The following GRIK2 variants were observed in gnomAD, a reference collection of about 807,000 sequenced individuals.
GRIK2 encodes the protein glutamate receptor ionotropic, kainate 2.
Under a neutral mutation model 100.3 loss-of-function variants are expected in GRIK2, and 32 were observed. That is an observed-to-expected ratio of 0.32 (90% CI 0.24 to 0.43). The LOEUF is 0.43. Ranked by LOEUF, GRIK2 falls within the 20% of genes least tolerant of loss-of-function variation. The probability of loss-of-function intolerance (pLI) is 1.00; values close to 1 mark genes in which losing one functional copy is unlikely to be tolerated. For synonymous variants in GRIK2, 417 were observed against 389.4 expected, an observed-to-expected ratio of 1.07 and a Z score of -0.83; for missense variants, 843 against 1,114.9, an observed-to-expected ratio of 0.76 and a Z score of 3.47.
intron 16 of GRIK2, among the ~76,000 whole-genome samples, chr6:102,060,689 C>T (rs1030716306): frequency 2.3e-4 from 35 of 150,462 alleles, no homozygotes; most frequent in African/African-American, 8.2e-4. Flanking sequence ...TTTTTAGAAA[C>T]TATAAGATAT....
intron 2 of GRIK2, among the ~76,000 whole-genome samples, chr6:101,482,151 C>T (rs1195501777): frequency 6.6e-6 from 1 of 152,176 alleles, no homozygotes; most frequent in Non-Finnish European, 1.5e-5. Context: ...GGTTATTATA[C>T]ACACTAGTGA....
intron 16 of GRIK2, among the ~76,000 whole-genome samples, chr6:102,063,303 G>A (rs1401136498): frequency 6.6e-6 from 1 of 150,408 alleles, no homozygotes; most frequent in East Asian, 1.9e-4. Context: ...TTAGGCCAGC[G>A]AGATACACAA....
In GRIK2 at chr6:101,846,973, AT is replaced by A. The variant is rs796104175; in HGVS notation, c.1318-12304del. ...AATTTTGGTTCCATTGCTTCTCTCT[AT>A]TTTTTTTTTCTGTTCTCTCTTTTAT... On this transcript the variant is annotated intron_variant, in intron 10 of 16. Coordinates refer to ENST00000369134, the MANE Select transcript of GRIK2 (RefSeq NM_021956.5). Among the ~76,000 whole-genome samples the A allele has an allele frequency of 3.9e-3, 553 of 141,262 alleles. 4 individuals carry two copies. The highest frequency in any genetic ancestry group is 0.013 in the African/African-American group (516 of 38,396). The allele number at this position is 141,262 out of a possible 152,430, so 92.7% of individuals were successfully genotyped here.
intron 7 of GRIK2, among the ~76,000 whole-genome samples, chr6:101,746,053 CTT>C (rs1047040983): frequency 6.6e-6 from 1 of 152,180 alleles, no homozygotes; most frequent in African/African-American, 2.4e-5. Flanking sequence ...CCCAAAGTAA[CTT>C]TACTGCTTTC....
chr6:101,473,045 T>C (rs1163234756), intron 2 of GRIK2, among the ~76,000 whole-genome samples: 2 of 151,522 alleles, frequency 1.3e-5, no homozygotes, highest in Non-Finnish European at 3.0e-5. Flanking sequence ...ATAATATATA[T>C]ATTATTACAC....
Position 101,491,289 on chromosome 6 carries a change from C to A in GRIK2, c.115+91897C>A, listed in dbSNP as rs562846942. Among the ~76,000 whole-genome samples, 897 of 129,162 alleles carry A rather than the reference C, an allele frequency of 6.9e-3. 8 individuals carry two copies. Among genetic ancestry groups the A allele is most frequent in the African/African-American group, 0.025 (860 of 34,068 alleles). The allele number at this position is 129,162 out of a possible 152,430, so 84.7% of individuals were successfully genotyped here. On this transcript the variant is annotated intron_variant, in intron 2 of 16. Transcript: ENST00000369134. Reference sequence around the variant, plus strand: ...GAGAAAAAAAGAAAAAAAAAAAAAACCCAACCAAACAAACAAAAGAAACCT... The same window carrying A: ...GAGAAAAAAAGAAAAAAAAAAAAAAACCAACCAAACAAACAAAAGAAACCT...
At chr6:101,931,462 C>T (rs73761487) in intron 14 of GRIK2, among the ~76,000 whole-genome samples, 3,090 of 152,182 alleles carry the variant, frequency 0.02, 100 homozygotes, top group African/African-American at 0.07. Flanking sequence ...AAAAACGATA[C>T]AGTTTTGTTA....
In GRIK2 at chr6:101,814,444, A is replaced by T. The variant is rs1781513046; in HGVS notation, c.1204-3926A>T. 2.0e-5 allele frequency among the ~76,000 whole-genome samples: 3 copies of T among 152,126 alleles called. No homozygotes were observed. The South Asian group carries it at 6.2e-4, about 31-fold the overall frequency. ...TTACGTAAAACAAAGTAATTGAAAT[A>T]AAAACAGTTATTTTTATCAATAACA... On this transcript the variant is annotated intron_variant, in intron 9 of 16. Transcript: ENST00000369134.
At chr6:101,662,658 T>A (rs925249830) in intron 4 of GRIK2, among the ~76,000 whole-genome samples, 4 of 152,040 alleles carry the variant, frequency 2.6e-5, no homozygotes, top group African/African-American at 9.7e-5. Flanking sequence ...GTTTTCTATA[T>A]GCTATTTTCT....
chr6:101,842,350 A>T (rs997113041), intron 10 of GRIK2, among the ~76,000 whole-genome samples: 1 of 152,074 alleles, frequency 6.6e-6, no homozygotes, highest in African/African-American at 2.4e-5. Context: ...CATTCTACTC[A>T]TACCTTTTTC....
chr6:101,576,877 A>T (rs1777814515), intron 2 of GRIK2, among the ~76,000 whole-genome samples: 1 of 149,268 alleles, frequency 6.7e-6, no homozygotes, highest in African/African-American at 2.6e-5. Flanking sequence ...CACAAACAAG[A>T]TCCATTTCAG....
At chr6:101,991,890 G>A (rs1794395753) in intron 14 of GRIK2, among the ~76,000 whole-genome samples, 1 of 151,400 alleles carries the variant, frequency 6.6e-6, no homozygotes, top group Admixed American at 6.6e-5. Context: ...GTTATATCAT[G>A]TATGACAGAG....
chr6:101,911,440 A>G (rs975677053), intron 12 of GRIK2, among the ~76,000 whole-genome samples: 3 of 151,476 alleles, frequency 2.0e-5, no homozygotes, highest in Non-Finnish European at 4.4e-5. Flanking sequence ...ACTCTTGTAA[A>G]TGTATTTGGG....
intron 11 of GRIK2, among the ~76,000 whole-genome samples, chr6:101,879,483 G>T (rs1164050068): frequency 1.3e-5 from 2 of 151,770 alleles, no homozygotes; most frequent in Admixed American, 6.6e-5. Flanking sequence ...AGTTTTATTT[G>T]AATTCAGTGT....
chr6:101,917,131 T>C (rs2791788), intron 12 of GRIK2, among the ~76,000 whole-genome samples: 142,165 of 151,710 alleles, frequency 0.94, 66,650 homozygotes, highest in Middle Eastern at 0.97. Flanking sequence ...AACTGGCCCT[T>C]CTCAGGCCAT....
At chr6:101,832,049 T>C (rs1782733345) in intron 10 of GRIK2, among the ~76,000 whole-genome samples, 1 of 152,114 alleles carries the variant, frequency 6.6e-6, no homozygotes, top group Non-Finnish European at 1.5e-5. Flanking sequence ...ATGTTAATGA[T>C]ACTAGATTCC....
intron 11 of GRIK2, among the ~76,000 whole-genome samples, chr6:101,866,906 GTGTGTGTGTGTGAA>G (rs1257960337): frequency 5.3e-5 from 8 of 151,622 alleles, no homozygotes; most frequent in East Asian, 1.9e-4. Flanking sequence ...TTCATTGTGT[GTGTGTGTGTGTGAA>G]TGTGTGTGTG....
At chr6:101,725,947 G>A (rs1774833235) in intron 7 of GRIK2, among the ~76,000 whole-genome samples, 1 of 151,770 alleles carries the variant, frequency 6.6e-6, no homozygotes, top group South Asian at 2.1e-4. Flanking sequence ...ATTGCATAAA[G>A]TTTTCATTGA....
At chr6:101,515,072 C>G (rs778894862) in intron 2 of GRIK2, among the ~76,000 whole-genome samples, 3 of 152,088 alleles carry the variant, frequency 2.0e-5, no homozygotes, top group Non-Finnish European at 4.4e-5. Context: ...GCCAAGTCCC[C>G]AGAGTCCACT....
Sources: allele counts gnomAD v4.1 joint callset (sites outside exome capture counted in the v4.1 genomes callset), GRCh38; gene constraint gnomAD v4.1.1; transcripts MANE v1.5; gene names NCBI Gene and HGNC (gene_info 2026-07-23, HGNC 2026-07-21).